Variants in PLIN3 observed in about 807,000 individuals in gnomAD.
PLIN3 encodes perilipin 3.
A neutral mutation model predicts 35.9 loss-of-function variants in PLIN3; 30 were observed. That is an observed-to-expected ratio of 0.84 (90% CI 0.62 to 1.13). The LOEUF is 1.13. Among genes scored for constraint, PLIN3 ranks in the 50% most tolerant of loss-of-function variants. PLIN3 has a pLI of 0.00. For synonymous variants in PLIN3, 261 were observed against 262.5 expected (o/e 0.99, Z 0.06); for missense variants, 603 against 596.9 (o/e 1.01, Z -0.11).
intron 1 of PLIN3, 38 bp from the exon 2 acceptor site, chr19:4,861,449 C>A: frequency 6.9e-7 from 1 of 1,456,208 alleles, no homozygotes; most frequent in Non-Finnish European, 9.6e-7. Flanking sequence ...GCCTGCCTGG[C>A]CCCACCTTCC....
intron 4 of PLIN3, among the ~76,000 whole-genome samples, chr19:4,853,356 A>G (rs893154831): frequency 1.3e-5 from 2 of 150,456 alleles, no homozygotes; most frequent in African/African-American, 2.4e-5. Context: ...GCGGAGTTTC[A>G]CTCTTGTTGC....
At chr19:4,861,447 G>A (rs1013643994) in intron 1 of PLIN3, 36 bp from the exon 2 acceptor site, 1 of 1,493,174 alleles carries the variant, frequency 6.7e-7, no homozygotes, top group Non-Finnish European at 9.3e-7. Flanking sequence ...CAGCCTGCCT[G>A]GCCCCACCTT....
intron 4 of PLIN3, among the ~76,000 whole-genome samples, chr19:4,854,008 C>G (rs990737741): frequency 1.3e-5 from 2 of 150,706 alleles, no homozygotes; most frequent in African/African-American, 4.9e-5. Context: ...TCATAGCTTA[C>G]TCAAGCCTTG....
chr19:4,855,358 C>A (rs1252720793), intron 4 of PLIN3, among the ~76,000 whole-genome samples: 1 of 151,966 alleles, frequency 6.6e-6, no homozygotes. Flanking sequence ...CTGTTGGCCT[C>A]CTACGCTATC....
chr19:4,855,938 A>G (rs1160403955), intron 4 of PLIN3, among the ~76,000 whole-genome samples: 2 of 110,798 alleles, frequency 1.8e-5, no homozygotes, highest in Non-Finnish European at 1.9e-5. Context: ...AAAAAAAAAA[A>G]AATGCAAGTT....
In PLIN3 at chr19:4,839,325, C is replaced by T. The variant is rs772391281; in HGVS notation, c.1172G>A (p.Arg391His). 3.7e-5 allele frequency: 59 copies of T among 1,613,870 alleles called. No homozygotes were observed. In the Middle Eastern group the frequency reaches 4.9e-4, roughly 13 times the overall value. The change falls in exon 8 of 8, where the codon CGT (arginine) becomes CAT (histidine). Residue 391 changes from arginine to histidine, a missense_variant. Arg to His is a conservative substitution (Grantham distance 29, BLOSUM62 0). Transcript: ENST00000221957. ...DLSSSILAQS[R>H]ERVASAREAL... is the part of the protein sequence containing the mutation. ...CTCGCGGGCGCTGGCGACACGCTCA[C>T]GGCTCTGGGCCAGAATGCTGCTGGA...
At chr19:4,855,940 A>AAAAG (rs10650668) in intron 4 of PLIN3, among the ~76,000 whole-genome samples, 4 of 148,166 alleles carry the variant, frequency 2.7e-5, no homozygotes, top group Non-Finnish European at 3.0e-5. Context: ...AAAAAAAAAA[A>AAAAG]TGCAAGTTGA....
intron 4 of PLIN3, among the ~76,000 whole-genome samples, chr19:4,856,269 C>T (rs549886823): frequency 1.6e-4 from 25 of 152,152 alleles, no homozygotes; most frequent in African/African-American, 5.3e-4. Context: ...ACTTAATAAG[C>T]ATCTATCTGC....
intron 1 of PLIN3, among the ~76,000 whole-genome samples, chr19:4,864,947 G>A (rs960568659): frequency 1.3e-5 from 2 of 151,830 alleles, no homozygotes; most frequent in African/African-American, 2.4e-5. Flanking sequence ...ATCCCAGCAC[G>A]CTGGGAGGCT....
At chr19:4,860,858 C>A (rs1348935529) in intron 2 of PLIN3, among the ~76,000 whole-genome samples, 1 of 152,128 alleles carries the variant, frequency 6.6e-6, no homozygotes, top group East Asian at 1.9e-4. Context: ...GTTACCCCAG[C>A]TACTTGGGAG....
Position 4,839,642 on chromosome 19 carries a change from G to A in PLIN3, c.961-106C>T, listed in dbSNP as rs544370858. 9.6e-6 allele frequency: 8 copies of A among 834,038 alleles called. No individual in the cohort carries two copies. The African/African-American group carries it at 1.2e-4, about 13-fold the overall frequency. The allele number at this position is 834,038 out of a possible 1,614,324, so 51.7% of individuals were successfully genotyped here. ...AAGAGGGGTTCTACCACTGACCTTG[G>A]GGCAAACGCTTTCCATAGGCGAAAC... On this transcript the variant is annotated intron_variant, in intron 7 of 7. Coordinates refer to ENST00000221957, the MANE Select transcript of PLIN3 (RefSeq NM_005817.5).
At chr19:4,850,523 C>T (rs149761582) in intron 5 of PLIN3, among the ~76,000 whole-genome samples, 3,688 of 151,766 alleles carry the variant, frequency 0.024, 143 homozygotes, top group African/African-American at 0.083. Context: ...CAGGTTCATG[C>T]CATTCTCCTG....
chr19:4,858,692 G>GTTTTTGTTTT lies in PLIN3; in HGVS notation c.348+897_348+898insAAAACAAAAA, dbSNP rs1468711919. On this transcript the variant is annotated intron_variant, in intron 4 of 7. Coordinates refer to ENST00000221957, the MANE Select transcript of PLIN3 (RefSeq NM_005817.5). Reference sequence around the variant, plus strand: ...CCACCGCGCCTGGCCAGAATATGGTGTTTTTTTGGTTTTTTTTTTTTTTTT... The same window carrying GTTTTTGTTTT: ...CCACCGCGCCTGGCCAGAATATGGTGTTTTTGTTTTTTTTTTTGGTTTTTTTTTTTTTTTT... Among the ~76,000 whole-genome samples, 12 of 51,942 alleles carry GTTTTTGTTTT rather than the reference G, an allele frequency of 2.3e-4. 1 individual carries two copies. The highest frequency in any genetic ancestry group is 3.6e-4 in the Non-Finnish European group (8 of 22,106). 34.1% of individuals were successfully genotyped at this position (51,942 alleles called of 152,430 possible).
intron 2 of PLIN3, among the ~76,000 whole-genome samples, chr19:4,860,576 G>A (rs545964447): frequency 2.0e-5 from 3 of 152,306 alleles, no homozygotes; most frequent in Non-Finnish European, 4.4e-5. Flanking sequence ...GTGGTGATAA[G>A]GGACAACAGT....
chr19:4,852,498 T>TC (rs2030335194), intron 4 of PLIN3, among the ~76,000 whole-genome samples, 197 bp from the exon 5 acceptor site: 1 of 152,040 alleles, frequency 6.6e-6, no homozygotes, highest in Non-Finnish European at 1.5e-5. Context: ...GGGAGCGCCA[T>TC]CCCCCAGGTG....
rs373031259 is a variant in PLIN3 at position 4,851,285 on chromosome 19, T to C, written c.634+731A>G. Reference sequence around the variant, plus strand: ...TTCGAGACCAGCCTGGCCAACATAGTGAAACCCCGTTTCTACTAAAAATAC... The same window carrying C: ...TTCGAGACCAGCCTGGCCAACATAGCGAAACCCCGTTTCTACTAAAAATAC... On this transcript the variant is annotated intron_variant, in intron 5 of 7. Transcript: ENST00000221957. 8.1e-4 allele frequency among the ~76,000 whole-genome samples: 123 copies of C among 152,084 alleles called. No homozygotes were observed. The East Asian group carries it at 0.01, about 12-fold the overall frequency.
intron 1 of PLIN3, among the ~76,000 whole-genome samples, chr19:4,863,497 C>CAA (rs57974543): frequency 0.5 from 59,516 of 119,590 alleles, 15,014 homozygotes; most frequent in Non-Finnish European, 0.54. Context: ...AACTCTGTCT[C>CAA]AAAAAAAAAA....
chr19:4,839,468 G>A lies in PLIN3; in HGVS notation c.1029C>T (p.Ser343=). ...GGAGGCCCTGAATGCTGGACCCCAG[G>A]GAGGTACAGGTGGCCTGCAGTTGCT... ...IAQQLQATCT[S]LGSSIQGLPT... The change falls in exon 8 of 8, where the codon TCC becomes TCT. Residue 343 remains serine (S), a synonymous_variant. Coordinates refer to ENST00000221957, the MANE Select transcript of PLIN3 (RefSeq NM_005817.5). The A allele has an allele frequency of 6.4e-7, 1 of 1,570,960 alleles. No individual in the cohort carries two copies. Among genetic ancestry groups the A allele is most frequent in the Non-Finnish European group, 8.7e-7 (1 of 1,153,508 alleles).
At chr19:4,866,720 A>G (rs2146221857) in intron 1 of PLIN3, 1 of 152,428 alleles carries the variant, frequency 6.6e-6, no homozygotes, top group African/African-American at 2.4e-5. Flanking sequence ...GTAGGCAGGC[A>G]TCAAACTCCT....
Sources: gnomAD v4.1 joint callset for allele counts (sites outside exome capture counted in the v4.1 genomes callset) on GRCh38, gnomAD v4.1.1 for gene constraint, MANE v1.5 for transcripts, NCBI Gene and HGNC (gene_info 2026-07-23, HGNC 2026-07-21) for gene names.